KLRG2: variants seen among roughly 807,000 people sequenced by gnomAD.
KLRG2 encodes killer cell lectin like receptor G2.
In KLRG2, 39 loss-of-function variants were observed where a neutral mutation model predicts 35.4. That is an observed-to-expected ratio of 1.10 (90% CI 0.85 to 1.44). KLRG2 has a LOEUF of 1.44. KLRG2 is among the 40% of genes most tolerant of loss of function. The probability of loss-of-function intolerance (pLI) is 0.00; values close to 1 mark genes in which losing one functional copy is unlikely to be tolerated. For missense variants in KLRG2, 632 were observed against 570.9 expected (o/e 1.11, Z -1.09); for synonymous variants, 283 against 265.8 (o/e 1.06, Z -0.63).
chr7:139,457,244 G>C (rs1288759567), intron 3 of KLRG2, among the ~76,000 whole-genome samples: 1 of 152,154 alleles, frequency 6.6e-6, no homozygotes. Flanking sequence ...AGGGAAACTT[G>C]GAGAGGATGG....
chr7:139,482,951 G>A lies in KLRG2; in HGVS notation c.692C>T (p.Ala231Val), dbSNP rs1349322023. 3 of 1,475,768 alleles carry A rather than the reference G, an allele frequency of 2.0e-6. No homozygotes were observed. The highest frequency in any genetic ancestry group is 1.3e-5 in the South Asian group (1 of 74,910). 91.4% of individuals were successfully genotyped at this position (1,475,768 alleles called of 1,614,324 possible). A position where few individuals can be genotyped will look rare whatever the true frequency, so the allele number is the denominator to read the frequency against. Residue 231 changes from alanine to valine, a missense_variant, in exon 1 of 5, where the codon GCG (alanine) becomes GTG (valine). Coordinates refer to ENST00000340940, the MANE Select transcript of KLRG2 (RefSeq NM_198508.4). ...CAACCCCGCGCGGGGCAACAGCGCC[G>A]CATCCTCCTTCTCCAGCCCCAGCTC... ...CKELGLEKED[A>V]ALLPRAGLDG...
the KLRG2 span, among the ~76,000 whole-genome samples, chr7:139,441,587 C>T: frequency 6.6e-6 from 1 of 151,830 alleles, no homozygotes; most frequent in African/African-American, 2.4e-5. Context: ...GCACATTGTG[C>T]ACATGTACCC....
chr7:139,464,784 G>A (rs996243825), intron 3 of KLRG2, among the ~76,000 whole-genome samples: 9 of 152,226 alleles, frequency 5.9e-5, no homozygotes, highest in South Asian at 4.1e-4. Context: ...GGCAGCTGCC[G>A]CTGCTTTAAT....
At chr7:139,454,568 C>A (rs1229718244) in intron 3 of KLRG2, among the ~76,000 whole-genome samples, 1 of 151,872 alleles carries the variant, frequency 6.6e-6, no homozygotes, top group South Asian at 2.1e-4. Context: ...GTAATCCCAG[C>A]ACATTGGGAG....
intron 4 of KLRG2, 63 bp from the exon 5 acceptor site, chr7:139,453,770 C>G: frequency 6.3e-7 from 1 of 1,594,382 alleles, no homozygotes; most frequent in African/African-American, 1.3e-5. Context: ...TGCTTCCCAG[C>G]CAGACCCTCC....
chr7:139,451,505 A>AG (rs201540204), downstream of KLRG2, among the ~76,000 whole-genome samples: 46 of 139,624 alleles, frequency 3.3e-4, no homozygotes, highest in Admixed American at 1.3e-3. Flanking sequence ...CCTCAAAAAA[A>AG]AATTTTTTTT....
the KLRG2 span, among the ~76,000 whole-genome samples, chr7:139,432,366 A>AG: frequency 3.9e-5 from 6 of 151,994 alleles, no homozygotes; most frequent in Middle Eastern, 3.4e-3. Context: ...AAAAAGAAAA[A>AG]GAAAAAAAAA....
the KLRG2 span, among the ~76,000 whole-genome samples, chr7:139,438,942 C>T: frequency 2.1e-5 from 3 of 139,638 alleles, no homozygotes; most frequent in South Asian, 7.8e-4. Context: ...CCCCGCCCCG[C>T]CTCGGCCTCC....
chr7:139,440,901 T>C, the KLRG2 span, among the ~76,000 whole-genome samples: 1 of 152,360 alleles, frequency 6.6e-6, no homozygotes, highest in South Asian at 2.1e-4. Flanking sequence ...TCTAGCAGTC[T>C]GTCAGCTTCA....
At chr7:139,440,654 T>C in the KLRG2 span, among the ~76,000 whole-genome samples, 2,103 of 152,186 alleles carry the variant, frequency 0.014, 44 homozygotes, top group African/African-American at 0.048. Flanking sequence ...CTCACTATGT[T>C]GTCCAGGCTG....
chr7:139,452,460 A>G (rs1482348295), downstream of KLRG2, among the ~76,000 whole-genome samples: 1 of 152,226 alleles, frequency 6.6e-6, no homozygotes, highest in African/African-American at 2.4e-5. Context: ...AATACTAATG[A>G]AAAATACAGT....
At chr7:139,473,774 G>C (rs1371078723) in intron 3 of KLRG2, among the ~76,000 whole-genome samples, 1 of 152,102 alleles carries the variant, frequency 6.6e-6, no homozygotes, top group Non-Finnish European at 1.5e-5. Flanking sequence ...AGGAGTTCAA[G>C]ACCGAAAAGA....
At chr7:139,449,253 T>C (rs1264567577), downstream of KLRG2, among the ~76,000 whole-genome samples, 1 of 151,198 alleles carries the variant, frequency 6.6e-6, no homozygotes, top group Admixed American at 6.6e-5. Context: ...AATACAAAAA[T>C]TAGCCCAGCA....
the KLRG2 span, among the ~76,000 whole-genome samples, chr7:139,443,218 C>T: frequency 2.0e-5 from 3 of 151,260 alleles, no homozygotes; most frequent in Non-Finnish European, 4.4e-5. Flanking sequence ...CCTCAGCCTC[C>T]CAAGTAGCTG....
chr7:139,462,192 C>A (rs1796580444), intron 3 of KLRG2, among the ~76,000 whole-genome samples: 1 of 152,206 alleles, frequency 6.6e-6, no homozygotes, highest in African/African-American at 2.4e-5. Context: ...ACAGTCTTCC[C>A]TTGGTGTTTA....
intron 3 of KLRG2, among the ~76,000 whole-genome samples, chr7:139,454,822 TAATAA>T (rs1176385058): frequency 3.0e-5 from 1 of 32,832 alleles, no homozygotes; most frequent in Non-Finnish European, 4.6e-5. Context: ...TATCTCAAAA[TAATAA>T]TAATAATAAT....
chr7:139,483,151 G>A lies in KLRG2; in HGVS notation c.492C>T (p.His164=), dbSNP rs1223557073. ...PVPESPAFSR[H]ADPAHQLLLR... The stretch of plus-strand genomic sequence containing the variant: ...GCAGGAGCTGGTGCGCCGGGTCCGC[G>A]TGGCGGGAGAAGGCAGGGGACTCGG... Residue 164 remains histidine (H), a synonymous_variant, in exon 1 of 5, where the codon CAC becomes CAT. Coordinates refer to ENST00000340940, the MANE Select transcript of KLRG2 (RefSeq NM_198508.4). The A allele has an allele frequency of 1.3e-6, 2 of 1,490,448 alleles. No individual in the cohort carries two copies. The highest frequency in any genetic ancestry group is 2.9e-5 in the East Asian group (1 of 34,674). 92.3% of individuals were successfully genotyped at this position (1,490,448 alleles called of 1,614,324 possible).
chr7:139,455,115 T>C (rs914829969), intron 3 of KLRG2, among the ~76,000 whole-genome samples: 6 of 150,280 alleles, frequency 4.0e-5, no homozygotes, highest in African/African-American at 1.5e-4. Context: ...GCCTCTCAGG[T>C]TCAACCGATT....
At chr7:139,431,013 G>GAAAAAAAA in the KLRG2 span, among the ~76,000 whole-genome samples, 1 of 92,614 alleles carries the variant, frequency 1.1e-5, no homozygotes. Flanking sequence ...CCCTGTCTCA[G>GAAAAAAAA]AAAAAAAAAA....
Sources: gnomAD v4.1 joint callset for allele counts (sites outside exome capture counted in the v4.1 genomes callset) on GRCh38, gnomAD v4.1.1 for gene constraint, MANE v1.5 for transcripts, NCBI Gene and HGNC (gene_info 2026-07-23, HGNC 2026-07-21) for gene names.